Variants in FAXDC2 observed in about 807,000 individuals in gnomAD.
FAXDC2 encodes fatty acid hydroxylase domain-containing protein 2.
A neutral mutation model predicts 40.9 loss-of-function variants in FAXDC2; 41 were observed. That is an observed-to-expected ratio of 1.00 (90% CI 0.78 to 1.30). The LOEUF (loss-of-function observed/expected upper bound fraction) is 1.30, where lower values mean the gene tolerates loss of function less well. FAXDC2 is among the 50% of genes most tolerant of loss of function. FAXDC2 has a pLI of 0.00. For missense variants in FAXDC2, 390 were observed against 408.8 expected (o/e 0.95, Z 0.40); for synonymous variants, 157 against 149.3 (o/e 1.05, Z -0.38).
At chr5:154,834,077 A>G (rs1308323881) in intron 4 of FAXDC2, among the ~76,000 whole-genome samples, 2 of 148,604 alleles carry the variant, frequency 1.3e-5, no homozygotes, top group Admixed American at 6.7e-5. Flanking sequence ...TATAATATAT[A>G]TTAAATAAAT....
At chr5:154,827,451 G>GTGTGTGTGTGTGTA (rs1240234315) in intron 5 of FAXDC2, among the ~76,000 whole-genome samples, 7 of 151,762 alleles carry the variant, frequency 4.6e-5, no homozygotes, top group African/African-American at 1.7e-4. Flanking sequence ...GTGTGTGTGT[G>GTGTGTGTGTGTGTA]TGTGTGTGTA....
At chr5:154,836,656 C>CTT (rs113249245) in intron 2 of FAXDC2, among the ~76,000 whole-genome samples, 4 of 148,788 alleles carry the variant, frequency 2.7e-5, no homozygotes, top group African/African-American at 9.9e-5. Context: ...TACTTTTTTA[C>CTT]TTTTTTTTTT....
In FAXDC2 at chr5:154,821,283, T is replaced by C. The variant is rs1328392890; in HGVS notation, c.822A>G (p.Glu274=). ...ACTTGAGATGGTGGTAGTCGTGGAA[T>C]TCAGGCGAAGGCAGGAAGGGAAGGT... is the stretch of plus-strand genomic sequence containing the variant. ...GYHLPFLPSP[E]FHDYHHLKFN... is the part of the protein sequence containing the mutation. Residue 274 remains glutamate, a synonymous_variant, in exon 8 of 9, where the codon GAA becomes GAG. Coordinates refer to ENST00000326080, the MANE Select transcript of FAXDC2 (RefSeq NM_032385.5). 6.2e-7 allele frequency: 1 copy of C among 1,612,094 alleles called. No homozygotes were observed. The highest frequency in any genetic ancestry group is 2.2e-5 in the East Asian group (1 of 44,614).
rs1193405291 is a variant in FAXDC2 at position 154,819,738 on chromosome 5, G to A, written c.*578C>T. 6.5e-6 allele frequency: 1 copy of A among 153,064 alleles called. No homozygotes were observed. 9.5% of individuals were successfully genotyped at this position (153,064 alleles called of 1,614,324 possible). A position where few individuals can be genotyped will look rare whatever the true frequency, so the allele number is the denominator to read the frequency against. On this transcript the variant is annotated 3_prime_UTR_variant, in exon 9 of 9. Coordinates refer to ENST00000326080, the MANE Select transcript of FAXDC2 (RefSeq NM_032385.5). ...ACCACTCACTCAGAGTGTTTGGTGT[G>A]TGTATGTTTGTGTGTGTGTTGGGTG... is the stretch of plus-strand genomic sequence containing the variant.
chr5:154,837,912 A>G (rs1007655224), intron 2 of FAXDC2, among the ~76,000 whole-genome samples: 5 of 152,252 alleles, frequency 3.3e-5, no homozygotes, highest in African/African-American at 1.2e-4. Flanking sequence ...TTTCAATTCC[A>G]TAACGCACAT....
intron 2 of FAXDC2, among the ~76,000 whole-genome samples, chr5:154,835,805 T>C (rs1760329028): frequency 6.7e-6 from 1 of 150,188 alleles, no homozygotes; most frequent in Admixed American, 6.7e-5. Context: ...ATGGTCTCCA[T>C]CTCCTGACCT....
At chr5:154,833,610 T>TC (rs1398848810) in intron 4 of FAXDC2, among the ~76,000 whole-genome samples, 5 of 152,148 alleles carry the variant, frequency 3.3e-5, no homozygotes, top group African/African-American at 1.2e-4. Context: ...TGCCTTGGCC[T>TC]CCCAAAGTGT....
At chr5:154,830,944 A>G in intron 4 of FAXDC2, 22 bp from the exon 5 acceptor site, 1 of 1,612,266 alleles carries the variant, frequency 6.2e-7, no homozygotes, top group Non-Finnish European at 8.5e-7. Flanking sequence ...AAACAGAAAC[A>G]GTCAGGGCGA....
intron 5 of FAXDC2, among the ~76,000 whole-genome samples, chr5:154,827,735 G>T (rs1305908430): frequency 6.6e-6 from 1 of 151,614 alleles, no homozygotes; most frequent in Non-Finnish European, 1.5e-5. Flanking sequence ...AGTGTTGGGT[G>T]GGGTGTTTTG....
At chr5:154,825,223 G>A (rs1759996405) in intron 5 of FAXDC2, among the ~76,000 whole-genome samples, 1 of 151,318 alleles carries the variant, frequency 6.6e-6, no homozygotes, top group Admixed American at 6.6e-5. Flanking sequence ...ACTTAGCTAG[G>A]CGTGGTGGCA....
intron 3 of FAXDC2, 32 bp from the exon 4 acceptor site, chr5:154,834,760 A>G: frequency 6.2e-7 from 1 of 1,604,406 alleles, no homozygotes; most frequent in Non-Finnish European, 8.5e-7. Context: ...CTGGGTGAAG[A>G]CTAGTGGGTG....
intron 1 of FAXDC2, among the ~76,000 whole-genome samples, chr5:154,843,553 A>G (rs960211813): frequency 2.6e-5 from 4 of 152,222 alleles, no homozygotes; most frequent in African/African-American, 9.7e-5. Flanking sequence ...ACACCAAGAA[A>G]TCTCTATAGG....
At chr5:154,834,124 G>A (rs1368669650) in intron 4 of FAXDC2, among the ~76,000 whole-genome samples, 3 of 150,710 alleles carry the variant, frequency 2.0e-5, no homozygotes, top group Admixed American at 1.3e-4. Flanking sequence ...GTATGATCGA[G>A]GACATTCACT....
In FAXDC2 at chr5:154,849,499, T is replaced by C. The variant is rs146577587; in HGVS notation, c.-1+984A>G. Among the ~76,000 whole-genome samples, 99 of 152,214 alleles carry C rather than the reference T, an allele frequency of 6.5e-4. 1 individual carries two copies. The highest frequency in any genetic ancestry group is 2.3e-3 in the African/African-American group (97 of 41,542). ...CACAGAATCAAGCCCAAGCCTGGCA[T>C]GTAGAAGATACTCAAGAAAGATTTG... is the stretch of plus-strand genomic sequence containing the variant. On this transcript the variant is annotated intron_variant, in intron 1 of 8. Coordinates refer to ENST00000326080, the MANE Select transcript of FAXDC2 (RefSeq NM_032385.5).
At position 154,819,333 on chromosome 5, in the gene FAXDC2, A is replaced by G. The variant is rs1759815807; in HGVS notation, c.*983T>C. The G allele has an allele frequency of 1.3e-5, 2 of 152,174 alleles. No homozygotes were observed. The highest frequency in any genetic ancestry group is 2.9e-5 in the Non-Finnish European group (2 of 68,020). The allele number at this position is 152,174 out of a possible 1,614,324, so 9.4% of individuals were successfully genotyped here. ...GCCTTTGATAAGGTTCCTGGTAAAA[A>G]TCATCTTGAATAAATGTTGCTGAGA... is the stretch of plus-strand genomic sequence containing the variant. On this transcript the variant is annotated 3_prime_UTR_variant, in exon 9 of 9. Transcript: ENST00000326080.
At chr5:154,833,387 C>G (rs571719607) in intron 4 of FAXDC2, among the ~76,000 whole-genome samples, 7 of 151,120 alleles carry the variant, frequency 4.6e-5, no homozygotes, top group African/African-American at 1.7e-4. Flanking sequence ...GCCCTATTGC[C>G]CAGGCTGGAG....
intron 5 of FAXDC2, 90 bp downstream of exon 5, chr5:154,830,711 G>A (rs1760166126): frequency 6.7e-7 from 1 of 1,488,342 alleles, no homozygotes; most frequent in East Asian, 2.3e-5. Context: ...ACACTGGCCA[G>A]GTCTCTCCTG....
intron 8 of FAXDC2, 199 bp from the exon 9 acceptor site, chr5:154,820,671 C>A: frequency 2.1e-6 from 1 of 479,860 alleles, no homozygotes; most frequent in Non-Finnish European, 3.8e-6. Context: ...TGCAATTTGC[C>A]GTATCTGGAG....
chr5:154,848,165 T>A (rs910151597), intron 1 of FAXDC2, among the ~76,000 whole-genome samples: 1 of 152,212 alleles, frequency 6.6e-6, no homozygotes, highest in African/African-American at 2.4e-5. Flanking sequence ...TTTATAGATA[T>A]AAATACATCA....
Sources: allele counts gnomAD v4.1 joint callset (sites outside exome capture counted in the v4.1 genomes callset), GRCh38; gene constraint gnomAD v4.1.1; transcripts MANE v1.5; gene names NCBI Gene and HGNC (gene_info 2026-07-23, HGNC 2026-07-21).